STAT4: variants seen among roughly 807,000 people sequenced by gnomAD.
STAT4 encodes the protein signal transducer and activator of transcription 4.
A neutral mutation model predicts 110.5 loss-of-function variants in STAT4; 42 were observed. The observed-to-expected ratio is 0.38, with a 90% CI of 0.30 to 0.49. The LOEUF (loss-of-function observed/expected upper bound fraction) is 0.49, where lower values mean the gene tolerates loss of function less well. Among genes scored for constraint, STAT4 ranks in the 20% least tolerant of loss-of-function variants. The pLI is 0.95. For missense variants in STAT4, 632 were observed against 887.9 expected (o/e 0.71, Z 3.66); for synonymous variants, 284 against 302.2 (o/e 0.94, Z 0.63).
At chr2:191,071,400 G>T (rs1168713156) in intron 5 of STAT4, among the ~76,000 whole-genome samples, 1 of 152,186 alleles carries the variant, frequency 6.6e-6, no homozygotes, top group East Asian at 1.9e-4. Context: ...CTACATGCAT[G>T]AGAAAATGTA....
In STAT4 at chr2:191,037,708, G is replaced by A. The variant is rs1291311634; in HGVS notation, c.1435-1409C>T. Among the ~76,000 whole-genome samples the A allele has an allele frequency of 1.3e-5, 2 of 152,158 alleles. No individual in the cohort carries two copies. The highest frequency in any genetic ancestry group is 2.1e-4 in the South Asian group (1 of 4,820). On this transcript the variant is annotated intron_variant, in intron 16 of 23. Transcript: ENST00000392320. The surrounding 1 kb of genome is among the most constrained non-coding windows in gnomAD (Gnocchi z 4.8). ...ACCAATTCAAGAGATTTCAGAAGGT[G>A]GGAATGAAAGAGGACACAGCATCCA... is the stretch of plus-strand genomic sequence containing the variant.
chr2:191,067,756 T>G (rs761615011), intron 6 of STAT4, among the ~76,000 whole-genome samples: 1 of 152,178 alleles, frequency 6.6e-6, no homozygotes, highest in Non-Finnish European at 1.5e-5. Flanking sequence ...TAGTCCATAT[T>G]CAATCAACCT....
rs1299509246 is a variant in STAT4, at chr2:191,104,958, AT to A, written c.274-28634del. On this transcript the variant is annotated intron_variant, in intron 3 of 23. Coordinates refer to ENST00000392320, the MANE Select transcript of STAT4 (RefSeq NM_003151.4). The surrounding 1 kb of genome is among the most constrained non-coding windows in gnomAD (Gnocchi z 4.3). Reference sequence around the variant, plus strand: ...CAGCTGTTTAAAAAGGAAAGGTATAATCAGAGTTGGCATTATTTTCAGGGAG... The same window carrying A: ...CAGCTGTTTAAAAAGGAAAGGTATAACAGAGTTGGCATTATTTTCAGGGAG... Among the ~76,000 whole-genome samples the A allele has an allele frequency of 6.6e-6, 1 of 152,188 alleles. No homozygotes were observed. Among genetic ancestry groups the A allele is most frequent in the Non-Finnish European group, 1.5e-5 (1 of 68,024 alleles).
At chr2:191,044,094 T>A (rs1345151777) in intron 14 of STAT4, among the ~76,000 whole-genome samples, 1 of 152,134 alleles carries the variant, frequency 6.6e-6, no homozygotes, top group Non-Finnish European at 1.5e-5. Flanking sequence ...TTTAAGCTAT[T>A]TGATGGGTGT....
intron 4 of STAT4, 48 bp from the exon 5 acceptor site, chr2:191,073,238 G>T: frequency 1.3e-6 from 2 of 1,508,200 alleles, no homozygotes; most frequent in Middle Eastern, 1.7e-4. Flanking sequence ...AAAGGTTTAT[G>T]ATGAATGCAA....
chr2:191,119,063 G>A (rs1348095305), intron 3 of STAT4, among the ~76,000 whole-genome samples: 1 of 152,162 alleles, frequency 6.6e-6, no homozygotes, highest in African/African-American at 2.4e-5. Flanking sequence ...ACGATGCCCA[G>A]CCGAACACAA....
At position 191,058,628 on chromosome 2, in the gene STAT4, A is replaced by T. The variant is rs1574717019; in HGVS notation, c.1094+82T>A. On this transcript the variant is annotated intron_variant, in intron 11 of 23. Coordinates refer to ENST00000392320, the MANE Select transcript of STAT4 (RefSeq NM_003151.4). The surrounding 1 kb of genome is among the most constrained non-coding windows in gnomAD (Gnocchi z 4.3). The stretch of plus-strand genomic sequence containing the variant: ...AGATAAGTAAATTTAAAAGTTCAAA[A>T]TTATTCTATAAAATAAAGGCCATTC... 1 of 834,108 alleles carries T rather than the reference A, an allele frequency of 1.2e-6. No homozygotes were observed. Among genetic ancestry groups the T allele is most frequent in the East Asian group, 2.7e-5 (1 of 36,632 alleles). 51.7% of individuals were successfully genotyped at this position (834,108 alleles called of 1,614,324 possible). A position where few individuals can be genotyped will look rare whatever the true frequency, so the allele number is the denominator to read the frequency against.
chr2:191,072,297 A>T (rs1697182744), intron 5 of STAT4, among the ~76,000 whole-genome samples: 1 of 152,092 alleles, frequency 6.6e-6, no homozygotes, highest in African/African-American at 2.4e-5. Context: ...GTAGATTATT[A>T]ATCTACACAC....
intron 3 of STAT4, among the ~76,000 whole-genome samples, chr2:191,137,858 T>C (rs1416055949): frequency 6.6e-6 from 1 of 151,984 alleles, no homozygotes; most frequent in East Asian, 1.9e-4. Flanking sequence ...AAAAATCAAC[T>C]CAAGATGGAT....
chr2:191,106,587 C>T (rs1438042976), intron 3 of STAT4, among the ~76,000 whole-genome samples: 13 of 150,690 alleles, frequency 8.6e-5, no homozygotes, highest in Admixed American at 3.3e-4. Flanking sequence ...ACCTGGGAGG[C>T]GGAGGTTGCA....
intron 3 of STAT4, among the ~76,000 whole-genome samples, chr2:191,119,304 A>T (rs1698655812): frequency 6.6e-6 from 1 of 152,188 alleles, no homozygotes; most frequent in Non-Finnish European, 1.5e-5. Flanking sequence ...GTTGATCAGA[A>T]TATAGGAGAG....
rs927849995 is a variant in STAT4, at chr2:191,110,375, A to G, written c.274-34050T>C. ...GGAGGAGCTAGCACTGGGGAATAACATTTGTAAATGTCTTCTATATGCCTT... is the reference window on the plus strand; with the variant it reads ...GGAGGAGCTAGCACTGGGGAATAACGTTTGTAAATGTCTTCTATATGCCTT... On this transcript the variant is annotated intron_variant, in intron 3 of 23. Coordinates refer to ENST00000392320, the MANE Select transcript of STAT4 (RefSeq NM_003151.4). This position sits in a 1 kb window ranked among gnomAD's most constrained non-coding sequence, Gnocchi z 4.5. Among the ~76,000 whole-genome samples the G allele has an allele frequency of 1.3e-5, 2 of 152,182 alleles. No individual in the cohort carries two copies. The highest frequency in any genetic ancestry group is 2.1e-4 in the South Asian group (1 of 4,830).
chr2:191,060,575 T>G lies in STAT4; in HGVS notation c.1034+1154A>C, dbSNP rs904395988. 6.6e-6 allele frequency among the ~76,000 whole-genome samples: 1 copy of G among 152,098 alleles called. No individual in the cohort carries two copies. The highest frequency in any genetic ancestry group is 1.5e-5 in the Non-Finnish European group (1 of 68,014). ...CTGGGATTACAGGCATGAGCCAACA[T>G]GCTCAGCTAATTTTTCTATTTTTAG... On this transcript the variant is annotated intron_variant, in intron 10 of 23. Transcript: ENST00000392320. This position sits in a 1 kb window ranked among gnomAD's most constrained non-coding sequence, Gnocchi z 4.5.
chr2:191,107,372 AG>A lies in STAT4; in HGVS notation c.274-31048del, dbSNP rs1226771502. 3.9e-5 allele frequency among the ~76,000 whole-genome samples: 6 copies of A among 152,192 alleles called. No homozygotes were observed. Among genetic ancestry groups the A allele is most frequent in the Non-Finnish European group, 8.8e-5 (6 of 68,032 alleles). On this transcript the variant is annotated intron_variant, in intron 3 of 23. Coordinates refer to ENST00000392320, the MANE Select transcript of STAT4 (RefSeq NM_003151.4). This position sits in a 1 kb window ranked among gnomAD's most constrained non-coding sequence, Gnocchi z 4.2. ...AATATTCATAAAATAATATTTATTG[AG>A]CACTTTCTGAGTGTCAGGCACCACA...
chr2:191,108,012 C>T (rs944683445), intron 3 of STAT4, among the ~76,000 whole-genome samples: 3 of 151,920 alleles, frequency 2.0e-5, no homozygotes, highest in Non-Finnish European at 2.9e-5. Flanking sequence ...CATTGTTGGC[C>T]GGGTGCGGGG....
rs1015400993 is a variant in STAT4, at chr2:191,030,502, A to G, written c.2220+470T>C. Among the ~76,000 whole-genome samples the G allele has an allele frequency of 6.6e-6, 1 of 152,202 alleles. No homozygotes were observed. The highest frequency in any genetic ancestry group is 1.5e-5 in the Non-Finnish European group (1 of 68,034). On this transcript the variant is annotated intron_variant, in intron 23 of 23. Coordinates refer to ENST00000392320, the MANE Select transcript of STAT4 (RefSeq NM_003151.4). This position sits in a 1 kb window ranked among gnomAD's most constrained non-coding sequence, Gnocchi z 4.4. ...ATTGATGAGGCTCCGGGTTCTAGAA[A>G]TGCAAGTCACAATCAAGAAAAATTG...
At position 191,117,877 on chromosome 2, in the gene STAT4, T is replaced by C. The variant is rs186229047; in HGVS notation, c.273+28736A>G. Among the ~76,000 whole-genome samples the C allele has an allele frequency of 6.6e-6, 1 of 152,320 alleles. No homozygotes were observed. Among genetic ancestry groups the C allele is most frequent in the African/African-American group, 2.4e-5 (1 of 41,572 alleles). ...AATGGGGGCTGGAAATCTACACTTT[T>C]AACAAGTTCCCCAAGTGATTTTTGT... On this transcript the variant is annotated intron_variant, in intron 3 of 23. Transcript: ENST00000392320. The surrounding 1 kb of genome is among the most constrained non-coding windows in gnomAD (Gnocchi z 5.2).
chr2:191,039,830 A>G lies in STAT4; in HGVS notation c.1336-533T>C, dbSNP rs3024879. Among the ~76,000 whole-genome samples, 131,530 of 152,182 alleles carry G rather than the reference A, an allele frequency of 0.86. 58,313 individuals are homozygous for G. The highest frequency in any genetic ancestry group is 1 in the East Asian group (5,172 of 5,184). ...ATTGTTACAGAACTAACTCAATTTAATACTCTTGGTTCTGTGGTTTTCTAC... is the reference window on the plus strand; with the variant it reads ...ATTGTTACAGAACTAACTCAATTTAGTACTCTTGGTTCTGTGGTTTTCTAC... On this transcript the variant is annotated intron_variant, in intron 15 of 23. Coordinates refer to ENST00000392320, the MANE Select transcript of STAT4 (RefSeq NM_003151.4). This position sits in a 1 kb window ranked among gnomAD's most constrained non-coding sequence, Gnocchi z 4.7.
intron 3 of STAT4, among the ~76,000 whole-genome samples, chr2:191,085,501 T>C (rs1397928510): frequency 6.6e-6 from 1 of 151,992 alleles, no homozygotes; most frequent in Non-Finnish European, 1.5e-5. Context: ...ATGATTCTGA[T>C]ATGTCTATGT....
Sources: gnomAD v4.1 joint callset for allele counts (sites outside exome capture counted in the v4.1 genomes callset) on GRCh38, gnomAD v4.1.1 for gene constraint, Gnocchi (gnomAD v3.1) non-coding constraint, MANE v1.5 for transcripts, NCBI Gene and HGNC (gene_info 2026-07-23, HGNC 2026-07-21) for gene names.